CCDC85A: variants seen among roughly 807,000 people sequenced by gnomAD.
CCDC85A encodes the protein coiled-coil domain-containing protein 85A.
Under a neutral mutation model 50.2 loss-of-function variants are expected in CCDC85A, and 38 were observed. That is an observed-to-expected ratio of 0.76 (90% CI 0.58 to 0.99). The LOEUF (loss-of-function observed/expected upper bound fraction) is 0.99, where lower values mean the gene tolerates loss of function less well. CCDC85A is among the 50% of genes least tolerant of loss of function. CCDC85A has a pLI of 0.00. For synonymous variants in CCDC85A, 366 were observed against 301.4 expected (o/e 1.21, Z -2.22); for missense variants, 820 against 742.0 (o/e 1.11, Z -1.22).
chr2:56,227,549 A>T (rs1266217280), intron 2 of CCDC85A, among the ~76,000 whole-genome samples: 1 of 152,084 alleles, frequency 6.6e-6, no homozygotes, highest in African/African-American at 2.4e-5. Context: ...GCATGTCTGG[A>T]TCTCAGGTTT....
chr2:56,362,862 G>C (rs544576533), intron 3 of CCDC85A, among the ~76,000 whole-genome samples: 14 of 152,164 alleles, frequency 9.2e-5, no homozygotes, highest in Admixed American at 5.9e-4. Context: ...GACCTCAGGT[G>C]ATCTGTCCCC....
chr2:56,256,508 C>T (rs1236722804), intron 2 of CCDC85A, among the ~76,000 whole-genome samples: 1 of 152,174 alleles, frequency 6.6e-6, no homozygotes, highest in Non-Finnish European at 1.5e-5. Context: ...TAAAGTAGTT[C>T]ACTAAAATAG....
chr2:56,313,327 A>T (rs1451311034), intron 2 of CCDC85A, among the ~76,000 whole-genome samples: 1 of 152,204 alleles, frequency 6.6e-6, no homozygotes, highest in Non-Finnish European at 1.5e-5. Context: ...CTTCATAATT[A>T]TAAAGCAGTA....
At chr2:56,272,790 T>C (rs1275040923) in intron 2 of CCDC85A, among the ~76,000 whole-genome samples, 1 of 152,168 alleles carries the variant, frequency 6.6e-6, no homozygotes. Context: ...TGCTTTTCAG[T>C]GAAGTCTCCA....
At chr2:56,238,490 C>G (rs1391682480) in intron 2 of CCDC85A, among the ~76,000 whole-genome samples, 1 of 150,264 alleles carries the variant, frequency 6.7e-6, no homozygotes, top group Non-Finnish European at 1.5e-5. Flanking sequence ...GTTTAATATT[C>G]TATTAAAAAG....
chr2:56,358,499 T>C (rs1194273119), intron 3 of CCDC85A, among the ~76,000 whole-genome samples: 1 of 152,228 alleles, frequency 6.6e-6, no homozygotes, highest in African/African-American at 2.4e-5. Context: ...TATACCAGGG[T>C]TGGCAAACTT....
intron 2 of CCDC85A, among the ~76,000 whole-genome samples, chr2:56,327,831 CA>C (rs70955016): frequency 0.28 from 26,455 of 93,340 alleles, 1,703 homozygotes; most frequent in Admixed American, 0.36. Context: ...TAGAGTAAGG[CA>C]AAAAAAAAAA....
chr2:56,293,012 G>T (rs1046648975), intron 2 of CCDC85A, among the ~76,000 whole-genome samples: 3 of 152,192 alleles, frequency 2.0e-5, no homozygotes, highest in African/African-American at 7.2e-5. Flanking sequence ...ACATAGAAAT[G>T]AGAGCAGGTT....
intron 2 of CCDC85A, among the ~76,000 whole-genome samples, chr2:56,290,282 CT>C (rs1205221309): frequency 3.3e-5 from 5 of 152,010 alleles, no homozygotes; most frequent in Admixed American, 6.6e-5. Context: ...AACATTTTTG[CT>C]AATACTAACA....
chr2:56,323,832 A>G (rs1573258398), intron 2 of CCDC85A, among the ~76,000 whole-genome samples: 1 of 152,098 alleles, frequency 6.6e-6, no homozygotes, highest in Non-Finnish European at 1.5e-5. Flanking sequence ...GGATATGAAA[A>G]GTTGGTGTCT....
chr2:56,281,821 A>G lies in CCDC85A; in HGVS notation c.1241-61058A>G, dbSNP rs1199117825. ...CAAGTATTTTTTCAAAGCTATATAC[A>G]TATTTGTCAGATATATGTAAATAAT... On this transcript the variant is annotated intron_variant, in intron 2 of 5. Coordinates refer to ENST00000407595, the MANE Select transcript of CCDC85A (RefSeq NM_001080433.2). Among the ~76,000 whole-genome samples the G allele has an allele frequency of 2.6e-5, 4 of 152,158 alleles. No individual in the cohort carries two copies. In the South Asian group the frequency reaches 6.2e-4, roughly 24 times the overall value.
rs1296027040 is a variant in CCDC85A at position 56,384,491 on chromosome 2, C to G, written c.*136C>G. 6 of 662,168 alleles carry G rather than the reference C, an allele frequency of 9.1e-6. No homozygotes were observed. In the East Asian group the frequency reaches 1.7e-4, roughly 18 times the overall value. 41.0% of individuals were successfully genotyped at this position (662,168 alleles called of 1,614,324 possible). Reference sequence around the variant, plus strand: ...GTGATTGTACATTGCACATATCTCCCCTCTAAAACCTGTAGTACAACTTCT... The same window carrying G: ...GTGATTGTACATTGCACATATCTCCGCTCTAAAACCTGTAGTACAACTTCT... On this transcript the variant is annotated 3_prime_UTR_variant, in exon 6 of 6. Transcript: ENST00000407595.
intron 2 of CCDC85A, among the ~76,000 whole-genome samples, chr2:56,278,108 G>A (rs996649681): frequency 6.6e-6 from 1 of 152,146 alleles, no homozygotes; most frequent in Non-Finnish European, 1.5e-5. Flanking sequence ...ATGCAAGTAG[G>A]TGGCTGTCGG....
intron 1 of CCDC85A, among the ~76,000 whole-genome samples, chr2:56,187,626 T>C (rs978850683): frequency 2.6e-5 from 4 of 152,218 alleles, no homozygotes; most frequent in Non-Finnish European, 5.9e-5. Flanking sequence ...AAATATACCA[T>C]AGATGAAGAA....
At chr2:56,218,943 T>C (rs1469385160) in intron 2 of CCDC85A, among the ~76,000 whole-genome samples, 1 of 151,794 alleles carries the variant, frequency 6.6e-6, no homozygotes, top group Non-Finnish European at 1.5e-5. Context: ...TATTCATCTA[T>C]AAAGATATGC....
At position 56,229,112 on chromosome 2, in the gene CCDC85A, A is replaced by T. The variant is rs185820773; in HGVS notation, c.1240+35672A>T. Among the ~76,000 whole-genome samples, 56 of 152,230 alleles carry T rather than the reference A, an allele frequency of 3.7e-4. No homozygotes were observed. The East Asian group carries it at 9.9e-3, about 27-fold the overall frequency. ...TAGGATTTTTCTACCACAGTCTATG[A>T]TTGCTGTGACATGGGTACTTTTACC... is the stretch of plus-strand genomic sequence containing the variant. On this transcript the variant is annotated intron_variant, in intron 2 of 5. Transcript: ENST00000407595.
chr2:56,332,839 G>A (rs748414007), intron 2 of CCDC85A, among the ~76,000 whole-genome samples: 13 of 152,252 alleles, frequency 8.5e-5, no homozygotes, highest in Admixed American at 2.6e-4. Context: ...TCCATAGAGT[G>A]ACTTTCAAAC....
In CCDC85A at chr2:56,287,299, A is replaced by G. The variant is rs544778220; in HGVS notation, c.1241-55580A>G. Among the ~76,000 whole-genome samples the G allele has an allele frequency of 6.6e-5, 10 of 152,272 alleles. No homozygotes were observed. The South Asian group carries it at 1.9e-3, about 28-fold the overall frequency. ...CTGCCCTACACATTCTGGTTGCTTC[A>G]GTGGCTGCGAGCTTCAATTTGCATC... On this transcript the variant is annotated intron_variant, in intron 2 of 5. Coordinates refer to ENST00000407595, the MANE Select transcript of CCDC85A (RefSeq NM_001080433.2).
In CCDC85A at chr2:56,224,944, G is replaced by GT. The variant is rs1364740684; in HGVS notation, c.1240+31510dup. Among the ~76,000 whole-genome samples the GT allele has an allele frequency of 2.6e-5, 4 of 152,000 alleles. No individual in the cohort carries two copies. In the East Asian group the frequency reaches 7.7e-4, roughly 29 times the overall value. ...AAAGCTTTTAATTTTGATGAAGTCTGTTTTTTCTTTTATTGCCATGCTTTT... is the reference window on the plus strand; with the variant it reads ...AAAGCTTTTAATTTTGATGAAGTCTGTTTTTTTCTTTTATTGCCATGCTTTT... On this transcript the variant is annotated intron_variant, in intron 2 of 5. Coordinates refer to ENST00000407595, the MANE Select transcript of CCDC85A (RefSeq NM_001080433.2).
Sources: allele counts gnomAD v4.1 joint callset (sites outside exome capture counted in the v4.1 genomes callset), GRCh38; gene constraint gnomAD v4.1.1; transcripts MANE v1.5; gene names NCBI Gene and HGNC (gene_info 2026-07-23, HGNC 2026-07-21).